The following PCDHGA8 variants were observed in gnomAD, a reference collection of about 807,000 sequenced individuals.
PCDHGA8 encodes protocadherin gamma-A8.
PCDHGA8 carries 45 observed loss-of-function variants against 59.2 expected under a neutral mutation model. The observed-to-expected ratio is 0.76, with a 90% CI of 0.60 to 0.98. The LOEUF (loss-of-function observed/expected upper bound fraction) is 0.98. Among genes scored for constraint, PCDHGA8 ranks in the 50% least tolerant of loss-of-function variants. The pLI, the probability that PCDHGA8 is intolerant of heterozygous loss-of-function variation, is 0.00. For missense variants in PCDHGA8, 1,257 were observed against 1,196.2 expected (o/e 1.05, Z -0.75); for synonymous variants, 531 against 519.0 (o/e 1.02, Z -0.32).
chr5:141,464,048 T>C (rs377735829), intron 1 of PCDHGA8, among the ~76,000 whole-genome samples: 1 of 152,260 alleles, frequency 6.6e-6, no homozygotes, highest in South Asian at 2.1e-4. Context: ...GTGGATCACC[T>C]GAGGTCAGGA....
In PCDHGA8 at chr5:141,399,908, C is replaced by T. The variant is rs141997055; in HGVS notation, c.2424+4671C>T. 17,269 of 1,612,412 alleles carry T rather than the reference C, an allele frequency of 0.011. 105 individuals are homozygous for T. Among genetic ancestry groups the T allele is most frequent in the Non-Finnish European group, 0.012 (14,309 of 1,179,754 alleles). On this transcript the variant is annotated intron_variant, in intron 1 of 3. Transcript: ENST00000398604. ...AAGGTAGTGGCCGTGGACGCAGACT[C>T]AGGACACAACGCCTGGCTGTCCTAC... is the stretch of plus-strand genomic sequence containing the variant.
intron 1 of PCDHGA8, chr5:141,410,350 A>G (rs2154543015): frequency 1.2e-6 from 2 of 1,613,912 alleles, no homozygotes; most frequent in South Asian, 1.1e-5. Context: ...TGCGCCTGCG[A>G]CGCTCTCTCA....
chr5:141,394,196 C>G lies in PCDHGA8; in HGVS notation c.1383C>G (p.Ile461Met), dbSNP rs760903381. 44 of 1,613,792 alleles carry G rather than the reference C, an allele frequency of 2.7e-5. No individual in the cohort carries two copies. Among genetic ancestry groups the G allele is most frequent in the African/African-American group, 4.0e-5 (3 of 74,922 alleles). The change falls in exon 1 of 4, where the codon ATC becomes ATG. Residue 461 changes from isoleucine to methionine, a missense_variant. By Grantham distance (10) the Ile-to-Met change is conservative. Transcript: ENST00000398604. ...CTCATGCCTCCTACTCAGCGTATAT[C>G]CTAGAGAACAACCTGAGAGGAGCCT... Reference protein sequence around the residue: ...TFPHASYSAYILENNLRGASI... With the variant: ...TFPHASYSAYMLENNLRGASI...
rs748660721 is a variant in PCDHGA8 at position 141,485,346 on chromosome 5, G to A, written c.2425-9461G>A. The A allele has an allele frequency of 1.2e-6, 2 of 1,614,178 alleles. No individual in the cohort carries two copies. Among genetic ancestry groups the A allele is most frequent in the South Asian group, 2.2e-5 (2 of 91,088 alleles). ...CAAGATTTCCTGCTGGATACGGACA[G>A]TCTGTCAGCTCGCAGGCTGCAGGTC... On this transcript the variant is annotated intron_variant, in intron 1 of 3. Transcript: ENST00000398604. This position sits in a 1 kb window ranked among gnomAD's most constrained non-coding sequence, Gnocchi z 5.7.
At chr5:141,500,152 A>C (rs1301287171) in intron 2 of PCDHGA8, among the ~76,000 whole-genome samples, 1 of 151,610 alleles carries the variant, frequency 6.6e-6, no homozygotes, top group African/African-American at 2.4e-5. Flanking sequence ...TTCTTTGTGT[A>C]ATCAAAGAAC....
At chr5:141,503,598 C>CTAA (rs2099824827) in intron 2 of PCDHGA8, among the ~76,000 whole-genome samples, 2 of 65,752 alleles carry the variant, frequency 3.0e-5, no homozygotes, top group African/African-American at 9.3e-5. Flanking sequence ...GACTCCAGCT[C>CTAA]AAAAAAAAAA....
rs540507159 is a variant in PCDHGA8 at position 141,422,671 on chromosome 5, A to G, written c.2424+27434A>G. On this transcript the variant is annotated intron_variant, in intron 1 of 3. Coordinates refer to ENST00000398604, the MANE Select transcript of PCDHGA8 (RefSeq NM_032088.2). The stretch of plus-strand genomic sequence containing the variant: ...CTCAGTGACCGCCCTCGACCCGGAC[A>G]GCAAACAGAATGCCCTGGTCACTTA... 4 of 1,607,248 alleles carry G rather than the reference A, an allele frequency of 2.5e-6. No homozygotes were observed. The Admixed American group carries it at 5.0e-5, about 20-fold the overall frequency.
chr5:141,487,435 A>G lies in PCDHGA8; in HGVS notation c.2425-7372A>G, dbSNP rs776328527. On this transcript the variant is annotated intron_variant, in intron 1 of 3. Transcript: ENST00000398604. The surrounding 1 kb of genome is among the most constrained non-coding windows in gnomAD (Gnocchi z 5.0). ...CCAATGGGATCCTCCGAATCCAGCT[A>G]GGGTCAGATGACCCTATCAAGTTTG... 3.7e-6 allele frequency: 6 copies of G among 1,614,164 alleles called. No individual in the cohort carries two copies. In the South Asian group the frequency reaches 6.6e-5, roughly 18 times the overall value.
At chr5:141,467,178 A>C (rs1344437465) in intron 1 of PCDHGA8, among the ~76,000 whole-genome samples, 1 of 151,604 alleles carries the variant, frequency 6.6e-6, no homozygotes, top group Non-Finnish European at 1.5e-5. Flanking sequence ...TCAGCCTCCC[A>C]AGTAGCTGGG....
At chr5:141,497,691 C>T (rs2099778682) in intron 2 of PCDHGA8, among the ~76,000 whole-genome samples, 1 of 152,066 alleles carries the variant, frequency 6.6e-6, no homozygotes, top group African/African-American at 2.4e-5. Flanking sequence ...AGGTGTGCAC[C>T]ACCACACCCA....
chr5:141,463,904 T>C (rs1289422146), intron 1 of PCDHGA8, among the ~76,000 whole-genome samples: 3 of 152,214 alleles, frequency 2.0e-5, no homozygotes, highest in African/African-American at 4.8e-5. Context: ...TTTGTACTAA[T>C]AATATATCCT....
chr5:141,500,497 C>T (rs1214550546), intron 2 of PCDHGA8, among the ~76,000 whole-genome samples: 1 of 152,174 alleles, frequency 6.6e-6, no homozygotes, highest in Non-Finnish European at 1.5e-5. Context: ...GCGTGAGCCA[C>T]CGCGCCTGGC....
At chr5:141,473,369 G>T (rs888984972) in intron 1 of PCDHGA8, among the ~76,000 whole-genome samples, 1 of 152,200 alleles carries the variant, frequency 6.6e-6, no homozygotes, top group Non-Finnish European at 1.5e-5. Flanking sequence ...CACCAAAATA[G>T]CATGGTCCCT....
chr5:141,415,577 C>T (rs776744277), intron 1 of PCDHGA8: 3 of 1,613,744 alleles, frequency 1.9e-6, no homozygotes, highest in East Asian at 4.5e-5. Context: ...TTAGATGATT[C>T]GAAGTTTCCT....
chr5:141,419,773 C>CAG, intron 1 of PCDHGA8: 1 of 1,614,034 alleles, frequency 6.2e-7, no homozygotes, highest in Non-Finnish European at 8.5e-7. Flanking sequence ...AGGACTCGGT[C>CAG]CGCCAGCGCC....
rs1032445242 is a variant in PCDHGA8 at position 141,487,571 on chromosome 5, G to C, written c.2425-7236G>C. The C allele has an allele frequency of 6.2e-7, 1 of 1,614,060 alleles. No homozygotes were observed. The highest frequency in any genetic ancestry group is 8.5e-7 in the Non-Finnish European group (1 of 1,180,046). ...CAGTGCACCTATGGCAGGGGAGCCTGTTCGCCCAAGCTGCCCACCCTCTGA... is the reference window on the plus strand; with the variant it reads ...CAGTGCACCTATGGCAGGGGAGCCTCTTCGCCCAAGCTGCCCACCCTCTGA... On this transcript the variant is annotated intron_variant, in intron 1 of 3. Transcript: ENST00000398604. This position sits in a 1 kb window ranked among gnomAD's most constrained non-coding sequence, Gnocchi z 5.0.
rs1168649993 is a variant in PCDHGA8, at chr5:141,432,243, C to G, written c.2424+37006C>G. On this transcript the variant is annotated intron_variant, in intron 1 of 3. Transcript: ENST00000398604. The surrounding 1 kb of genome is among the most constrained non-coding windows in gnomAD (Gnocchi z 6.0). ...ATCACTTATTCCCTGGCTGAGAACA[C>G]CATCCAAGGGGCAAGCCTATCGTCC... 1 of 1,614,244 alleles carries G rather than the reference C, an allele frequency of 6.2e-7. No individual in the cohort carries two copies. Among genetic ancestry groups the G allele is most frequent in the Non-Finnish European group, 8.5e-7 (1 of 1,180,050 alleles).
intron 1 of PCDHGA8, chr5:141,398,904 C>A (rs1487711986): frequency 3.1e-6 from 5 of 1,613,930 alleles, no homozygotes; most frequent in Non-Finnish European, 3.4e-6. Context: ...CACCAGGCAC[C>A]ACTGTGTTGC....
chr5:141,510,854 T>A, intron 3 of PCDHGA8, 93 bp from the exon 4 acceptor site: 1 of 1,602,320 alleles, frequency 6.2e-7, no homozygotes, highest in East Asian at 2.2e-5. Context: ...CCCAGGGTGC[T>A]GTATAGGCAT....
Sources: allele counts gnomAD v4.1 joint callset (sites outside exome capture counted in the v4.1 genomes callset), GRCh38; gene constraint gnomAD v4.1.1; non-coding constraint Gnocchi (gnomAD v3.1); transcripts MANE v1.5; gene names NCBI Gene and HGNC (gene_info 2026-07-23, HGNC 2026-07-21).